Variants in TENM3 observed in about 807,000 individuals in gnomAD.
TENM3 encodes the protein teneurin-3.
Under a neutral mutation model 255.1 loss-of-function variants are expected in TENM3, and 63 were observed. The ratio of observed to expected loss-of-function variants is 0.25; its 90% CI spans 0.20 to 0.30. The LOEUF (loss-of-function observed/expected upper bound fraction) is 0.30, where lower values mean the gene tolerates loss of function less well. Among genes scored for constraint, TENM3 ranks in the 10% least tolerant of loss-of-function variants. The probability of loss-of-function intolerance (pLI) is 1.00; values close to 1 mark genes in which losing one functional copy is unlikely to be tolerated. For synonymous variants in TENM3, 1,306 were observed against 1,322.3 expected (o/e 0.99, Z 0.27); for missense variants, 2,929 against 3,461.1 (o/e 0.85, Z 3.86).
chr4:181,664,352 C>T, the TENM3 span, among the ~76,000 whole-genome samples: 104 of 152,128 alleles, frequency 6.8e-4, no homozygotes, highest in African/African-American at 2.3e-3. Context: ...CACCTGTAAT[C>T]CCAGCTACTC....
chr4:181,632,126 A>C, the TENM3 span, among the ~76,000 whole-genome samples: 13,589 of 152,220 alleles, frequency 0.089, 645 homozygotes, highest in East Asian at 0.14. Context: ...AAAGAGGTTT[A>C]ATTGACTCAC....
chr4:182,720,379 A>G (rs955931662), intron 13 of TENM3, among the ~76,000 whole-genome samples: 1 of 152,112 alleles, frequency 6.6e-6, no homozygotes, highest in African/African-American at 2.4e-5. Context: ...AAAAAAAATT[A>G]CAAGAGATCA....
the TENM3 span, among the ~76,000 whole-genome samples, chr4:181,789,209 G>T: frequency 4.9e-5 from 7 of 142,138 alleles, no homozygotes; most frequent in Non-Finnish European, 8.1e-5. Context: ...TTTATAAAGA[G>T]CCCCCTTTAT....
chr4:182,563,793 C>A (rs532838076), intron 3 of TENM3, among the ~76,000 whole-genome samples: 1 of 152,310 alleles, frequency 6.6e-6, no homozygotes, highest in African/African-American at 2.4e-5. Flanking sequence ...AAAGCTGTTA[C>A]AAATATCCTA....
the TENM3 span, among the ~76,000 whole-genome samples, chr4:182,023,496 A>T: frequency 6.6e-6 from 1 of 152,178 alleles, no homozygotes; most frequent in Non-Finnish European, 1.5e-5. Context: ...AGATATAAGT[A>T]CTCTGATTAC....
At chr4:182,529,428 T>G (rs12508264) in intron 3 of TENM3, among the ~76,000 whole-genome samples, 39,423 of 152,108 alleles carry the variant, frequency 0.26, 6,275 homozygotes, top group South Asian at 0.38. Context: ...ATAATAGAGA[T>G]AATCATCTGG....
the TENM3 span, among the ~76,000 whole-genome samples, chr4:181,701,016 A>G: frequency 1.3e-5 from 2 of 152,186 alleles, no homozygotes; most frequent in East Asian, 1.9e-4. Context: ...CACCTTTACT[A>G]CAGAGGTGAA....
chr4:182,469,571 G>C (rs754016025), intron 3 of TENM3, among the ~76,000 whole-genome samples: 1 of 152,024 alleles, frequency 6.6e-6, no homozygotes, highest in African/African-American at 2.4e-5. Flanking sequence ...AAAATGAGCC[G>C]GGCATGGTGG....
chr4:181,958,887 T>C, the TENM3 span, among the ~76,000 whole-genome samples: 1 of 152,090 alleles, frequency 6.6e-6, no homozygotes, highest in African/African-American at 2.4e-5. Context: ...GTGCACAGGG[T>C]TAATGGATGA....
the TENM3 span, among the ~76,000 whole-genome samples, chr4:181,525,625 C>G: frequency 2.0e-5 from 3 of 152,212 alleles, no homozygotes; most frequent in East Asian, 5.8e-4. Flanking sequence ...TAACCCTTTG[C>G]CTGTTACCTT....
chr4:182,169,583 G>T (rs1160123802), intron 1 of TENM3, among the ~76,000 whole-genome samples: 2 of 152,114 alleles, frequency 1.3e-5, no homozygotes, highest in East Asian at 3.9e-4. Flanking sequence ...AAGTCAAACA[G>T]AATTTCCAGT....
the TENM3 span, among the ~76,000 whole-genome samples, chr4:181,803,350 A>T: frequency 8.5e-5 from 13 of 152,312 alleles, no homozygotes; most frequent in African/African-American, 3.1e-4. Context: ...TTATACTGGA[A>T]ATTGAAGTTT....
chr4:182,052,314 GAGCAT>G, the TENM3 span, among the ~76,000 whole-genome samples: 38 of 152,228 alleles, frequency 2.5e-4, no homozygotes, highest in East Asian at 6.0e-3. Flanking sequence ...TCAGAAGCAA[GAGCAT>G]AGTGTCAATG....
At chr4:181,909,724 G>A in the TENM3 span, among the ~76,000 whole-genome samples, 17 of 152,222 alleles carry the variant, frequency 1.1e-4, no homozygotes, top group South Asian at 3.3e-3. Flanking sequence ...AGGTGTTCGA[G>A]GGCAAAGGAA....
the TENM3 span, among the ~76,000 whole-genome samples, chr4:181,740,467 G>A: frequency 3.3e-5 from 5 of 152,158 alleles, no homozygotes; most frequent in African/African-American, 1.2e-4. Context: ...TTAAAGGAGA[G>A]CAAGGGAATG....
chr4:182,568,461 AG>A (rs1744021868), intron 3 of TENM3, among the ~76,000 whole-genome samples: 1 of 152,226 alleles, frequency 6.6e-6, no homozygotes, highest in South Asian at 2.1e-4. Flanking sequence ...GGTATGAGTA[AG>A]TTTACCCCGT....
chr4:182,160,072 G>T lies in TENM3; in HGVS notation c.-76+15318G>T, dbSNP rs532209872. Among the ~76,000 whole-genome samples, 12 of 149,636 alleles carry T rather than the reference G, an allele frequency of 8.0e-5. 2 individuals carry two copies. Among genetic ancestry groups the T allele is most frequent in the African/African-American group, 2.4e-5 (1 of 41,004 alleles). ...GGCTGGAGTGCAGCGGTGCGATCTC[G>T]GCTCACTGCAAGCTCCGCTTCCCGG... On this transcript the variant is annotated intron_variant, in intron 1 of 2. Transcript: ENST00000512480.
chr4:181,960,124 G>C, the TENM3 span, among the ~76,000 whole-genome samples: 154 of 152,230 alleles, frequency 1.0e-3, 1 homozygote, highest in African/African-American at 3.5e-3. Context: ...TCTTTTAAAA[G>C]AAAAATAGGA....
Position 182,658,951 on chromosome 4 carries a change from A to G in TENM3, c.1111+5058A>G, listed in dbSNP as rs75751185. 3.8e-3 allele frequency among the ~76,000 whole-genome samples: 575 copies of G among 152,336 alleles called. 2 individuals are homozygous for G. The highest frequency in any genetic ancestry group is 0.013 in the African/African-American group (529 of 41,568). On this transcript the variant is annotated intron_variant, in intron 6 of 27. Coordinates refer to ENST00000511685, the MANE Select transcript of TENM3 (RefSeq NM_001080477.4). ...GAAGAGGAATATCCCAAGAGGGAGC[A>G]TGCCAAGAGCCTGACAGAAACTACC...
Sources: allele counts gnomAD v4.1 joint callset (sites outside exome capture counted in the v4.1 genomes callset), GRCh38; gene constraint gnomAD v4.1.1; transcripts MANE v1.5; gene names NCBI Gene and HGNC (gene_info 2026-07-23, HGNC 2026-07-21).